FHIT: variants seen among roughly 807,000 people sequenced by gnomAD.
FHIT encodes the protein fragile histidine triad diadenosine triphosphatase, also known as bis(5'-adenosyl)-triphosphatase.
A neutral mutation model predicts 17.9 loss-of-function variants in FHIT; 19 were observed. The observed-to-expected ratio is 1.06, with a 90% CI of 0.74 to 1.56. The LOEUF (loss-of-function observed/expected upper bound fraction) is 1.56. Among genes scored for constraint, FHIT ranks in the 40% most tolerant of loss-of-function variants. FHIT has a pLI of 0.00. For missense variants in FHIT, 248 were observed against 189.2 expected (o/e 1.31, Z -1.82); for synonymous variants, 81 against 69.7 (o/e 1.16, Z -0.81).
At chr3:60,452,122 G>A (rs538012281) in intron 5 of FHIT, among the ~76,000 whole-genome samples, 1 of 152,254 alleles carries the variant, frequency 6.6e-6, no homozygotes, top group Admixed American at 6.5e-5. Flanking sequence ...ATCTTGGGAG[G>A]AGAAATACTG....
intron 8 of FHIT, among the ~76,000 whole-genome samples, chr3:59,802,000 A>C (rs1197298510): frequency 1.3e-5 from 2 of 152,232 alleles, no homozygotes; most frequent in Admixed American, 6.5e-5. Context: ...ACGTGTATCA[A>C]ATACTCCCCC....
chr3:59,755,388 G>C (rs1559574802), intron 8 of FHIT, among the ~76,000 whole-genome samples: 3 of 152,348 alleles, frequency 2.0e-5, no homozygotes, highest in African/African-American at 7.2e-5. Flanking sequence ...AAATGCTACA[G>C]TTTGGAGTAA....
At chr3:60,157,959 T>C (rs1700773921) in intron 5 of FHIT, among the ~76,000 whole-genome samples, 1 of 152,192 alleles carries the variant, frequency 6.6e-6, no homozygotes, top group African/African-American at 2.4e-5. Flanking sequence ...ATTGGTGCTC[T>C]TTGCTTCCTT....
intron 1 of FHIT, among the ~76,000 whole-genome samples, chr3:61,248,377 A>G (rs2040535712): frequency 2.0e-5 from 3 of 152,214 alleles, no homozygotes; most frequent in Admixed American, 1.3e-4. Flanking sequence ...TTAGCCAATA[A>G]TTCATAAAAC....
At chr3:60,385,699 C>T (rs1265455969) in intron 5 of FHIT, among the ~76,000 whole-genome samples, 2 of 152,164 alleles carry the variant, frequency 1.3e-5, no homozygotes, top group African/African-American at 4.8e-5. Flanking sequence ...CCTGCCTCAT[C>T]TACCTGAGTA....
chr3:60,293,196 C>T (rs1708064497), intron 5 of FHIT, among the ~76,000 whole-genome samples: 1 of 151,944 alleles, frequency 6.6e-6, no homozygotes, highest in South Asian at 2.1e-4. Context: ...AGAAGAGGAG[C>T]CTAAATATGA....
At chr3:60,801,609 A>G (rs1055752121) in intron 4 of FHIT, among the ~76,000 whole-genome samples, 2 of 152,246 alleles carry the variant, frequency 1.3e-5, no homozygotes, top group Admixed American at 6.5e-5. Context: ...TAGGCACGTC[A>G]TGTGACCTTA....
chr3:60,537,690 G>A (rs1463492751), intron 4 of FHIT, among the ~76,000 whole-genome samples: 1 of 152,130 alleles, frequency 6.6e-6, no homozygotes, highest in Non-Finnish European at 1.5e-5. Flanking sequence ...GGAGGCTGAA[G>A]GGAATTTGGC....
At chr3:59,823,600 A>G (rs1341505611) in intron 8 of FHIT, among the ~76,000 whole-genome samples, 1 of 152,206 alleles carries the variant, frequency 6.6e-6, no homozygotes, top group East Asian at 1.9e-4. Flanking sequence ...AAAAAATCAC[A>G]TGATCATCTC....
intron 5 of FHIT, among the ~76,000 whole-genome samples, chr3:60,182,072 A>G (rs1701963634): frequency 6.6e-6 from 1 of 152,186 alleles, no homozygotes; most frequent in South Asian, 2.1e-4. Context: ...GGGTTTTCAG[A>G]ACGATATGAG....
At chr3:60,443,646 T>C (rs1221923541) in intron 5 of FHIT, among the ~76,000 whole-genome samples, 1 of 152,158 alleles carries the variant, frequency 6.6e-6, no homozygotes, top group African/African-American at 2.4e-5. Context: ...GTGGATAAGC[T>C]TTTTGATGTG....
At chr3:60,469,405 A>C (rs1161557168) in intron 5 of FHIT, among the ~76,000 whole-genome samples, 1 of 151,946 alleles carries the variant, frequency 6.6e-6, no homozygotes, top group African/African-American at 2.4e-5. Context: ...CAAGCTCACT[A>C]ATTCTTTGTT....
intron 5 of FHIT, among the ~76,000 whole-genome samples, chr3:60,208,265 C>G (rs1386748523): frequency 2.0e-5 from 3 of 152,168 alleles, no homozygotes; most frequent in Admixed American, 6.5e-5. Context: ...ATTTTAATCA[C>G]ATTTTTATTG....
At chr3:60,450,404 A>G (rs1347283586) in intron 5 of FHIT, among the ~76,000 whole-genome samples, 1 of 152,026 alleles carries the variant, frequency 6.6e-6, no homozygotes, top group Non-Finnish European at 1.5e-5. Flanking sequence ...ATAAATATGT[A>G]TATATATCTC....
intron 5 of FHIT, among the ~76,000 whole-genome samples, chr3:60,086,955 C>T (rs897647376): frequency 6.6e-6 from 1 of 152,188 alleles, no homozygotes; most frequent in East Asian, 1.9e-4. Context: ...GGTGGCTGCA[C>T]CTCTGTGGAA....
At chr3:60,259,612 T>G (rs9820577) in intron 5 of FHIT, among the ~76,000 whole-genome samples, 1,671 of 152,218 alleles carry the variant, frequency 0.011, 30 homozygotes, top group African/African-American at 0.038. Flanking sequence ...TGCTAAATCC[T>G]TAGAGTAACT....
intron 7 of FHIT, among the ~76,000 whole-genome samples, chr3:59,958,631 C>A (rs1423348914): frequency 1.3e-5 from 2 of 152,168 alleles, no homozygotes; most frequent in African/African-American, 4.8e-5. Flanking sequence ...TATTAAGAAG[C>A]CCAAGGTCGA....
chr3:60,513,791 G>C (rs1288188299), intron 5 of FHIT, among the ~76,000 whole-genome samples: 1 of 152,142 alleles, frequency 6.6e-6, no homozygotes, highest in Non-Finnish European at 1.5e-5. Flanking sequence ...AGGCATGCTT[G>C]TTTTTGTGCC....
chr3:61,152,113 A>G (rs956661991), intron 2 of FHIT, among the ~76,000 whole-genome samples: 1 of 152,184 alleles, frequency 6.6e-6, no homozygotes, highest in African/African-American at 2.4e-5. Flanking sequence ...GAGGGCAGTT[A>G]ATCTGATAGG....
Sources: gnomAD v4.1 joint callset for allele counts (sites outside exome capture counted in the v4.1 genomes callset) on GRCh38, gnomAD v4.1.1 for gene constraint, MANE v1.5 for transcripts, NCBI Gene and HGNC (gene_info 2026-07-23, HGNC 2026-07-21) for gene names.